SMYD3: variants seen among roughly 807,000 people sequenced by gnomAD.
The protein encoded by SMYD3 is histone-lysine N-methyltransferase SMYD3.
A neutral mutation model predicts 57.7 loss-of-function variants in SMYD3; 36 were observed. That is an observed-to-expected ratio of 0.62 (90% CI 0.48 to 0.82). SMYD3 has a LOEUF of 0.82. SMYD3 is among the 40% of genes least tolerant of loss of function. SMYD3 has a pLI of 0.00. For synonymous variants in SMYD3, 211 were observed against 195.0 expected (o/e 1.08, Z -0.68); for missense variants, 515 against 538.8 (o/e 0.96, Z 0.44).
intron 7 of SMYD3, among the ~76,000 whole-genome samples, chr1:245,921,467 G>A (rs1003614770): frequency 1.2e-4 from 18 of 151,764 alleles, no homozygotes; most frequent in Non-Finnish European, 1.8e-4. Flanking sequence ...ATGCACTCAC[G>A]TGTTCATCAC....
chr1:245,947,059 C>A (rs752594597), intron 5 of SMYD3, among the ~76,000 whole-genome samples: 9 of 152,144 alleles, frequency 5.9e-5, no homozygotes, highest in Non-Finnish European at 1.2e-4. Context: ...GCGGGCTGGC[C>A]TCCACGTACT....
At chr1:246,366,910 G>A (rs550384261) in intron 1 of SMYD3, among the ~76,000 whole-genome samples, 142 of 123,348 alleles carry the variant, frequency 1.2e-3, no homozygotes, top group African/African-American at 4.0e-3. Context: ...CAGCCTGGGC[G>A]ACAGAGCGAG....
At chr1:245,884,792 C>CCAATCCGCACTCTGTAAAAT (rs59971082) in intron 8 of SMYD3, among the ~76,000 whole-genome samples, 6 of 147,160 alleles carry the variant, frequency 4.1e-5, no homozygotes, top group Admixed American at 3.4e-4. Flanking sequence ...GGATTGTAAA[C>CCAATCCGCACTCTGTAAAAT]GGACCAATCA....
chr1:246,280,412 G>A (rs182490940), intron 5 of SMYD3, among the ~76,000 whole-genome samples: 1 of 152,292 alleles, frequency 6.6e-6, no homozygotes, highest in African/African-American at 2.4e-5. Flanking sequence ...CCATGCGACA[G>A]AAAAGAGAGC....
At chr1:246,154,517 C>G (rs958057197) in intron 5 of SMYD3, among the ~76,000 whole-genome samples, 1 of 152,162 alleles carries the variant, frequency 6.6e-6, no homozygotes, top group Non-Finnish European at 1.5e-5. Context: ...TTTTAATAGA[C>G]TTTCAGATGC....
intron 1 of SMYD3, among the ~76,000 whole-genome samples, chr1:246,403,024 C>T (rs946004): frequency 0.91 from 139,207 of 152,262 alleles, 63,761 homozygotes; most frequent in East Asian, 1. Flanking sequence ...TCTACCCGAA[C>T]TGTCCATTAA....
chr1:246,429,119 T>C (rs928759601), intron 1 of SMYD3, among the ~76,000 whole-genome samples: 1 of 149,996 alleles, frequency 6.7e-6, no homozygotes, highest in Non-Finnish European at 1.5e-5. Context: ...GAGTTATCTA[T>C]GCCAATGGGA....
intron 11 of SMYD3, among the ~76,000 whole-genome samples, chr1:245,755,596 A>G (rs1391454967): frequency 6.6e-6 from 1 of 152,142 alleles, no homozygotes; most frequent in Non-Finnish European, 1.5e-5. Context: ...TAGTACTACT[A>G]TGTCTTTTTG....
intron 5 of SMYD3, among the ~76,000 whole-genome samples, chr1:245,957,916 G>C (rs2057894609): frequency 6.6e-6 from 1 of 151,502 alleles, no homozygotes; most frequent in Non-Finnish European, 1.5e-5. Flanking sequence ...GTGTGGTTAG[G>C]TTTAAAAAAT....
chr1:246,466,504 A>C (rs1420134943), intron 1 of SMYD3, among the ~76,000 whole-genome samples: 2 of 152,216 alleles, frequency 1.3e-5, no homozygotes, highest in Admixed American at 1.3e-4. Flanking sequence ...AAAGAGGGAC[A>C]ACAGACACTG....
chr1:246,441,189 T>C (rs546159614), intron 1 of SMYD3, among the ~76,000 whole-genome samples: 2 of 152,330 alleles, frequency 1.3e-5, no homozygotes, highest in Admixed American at 6.5e-5. Flanking sequence ...AGATCTCTAA[T>C]GAGTAATAGT....
chr1:246,299,815 C>G (rs1212308544), intron 5 of SMYD3, among the ~76,000 whole-genome samples: 3 of 151,608 alleles, frequency 2.0e-5, no homozygotes, highest in African/African-American at 7.3e-5. Flanking sequence ...AGAGGAACAA[C>G]AGACACTGGG....
chr1:245,936,440 C>G (rs532626162), intron 5 of SMYD3, among the ~76,000 whole-genome samples: 2 of 151,982 alleles, frequency 1.3e-5, no homozygotes, highest in South Asian at 4.2e-4. Flanking sequence ...ACTTTGCTAC[C>G]TAAAACCTTT....
intron 5 of SMYD3, among the ~76,000 whole-genome samples, chr1:246,104,687 G>C (rs888761508): frequency 1.3e-5 from 2 of 152,044 alleles, no homozygotes; most frequent in African/African-American, 4.8e-5. Flanking sequence ...AAAGCAAAGG[G>C]AGTAAAATAA....
At chr1:246,284,061 G>A (rs2064505658) in intron 5 of SMYD3, among the ~76,000 whole-genome samples, 1 of 152,204 alleles carries the variant, frequency 6.6e-6, no homozygotes, top group Non-Finnish European at 1.5e-5. Context: ...TTGCTGGAGA[G>A]GTACATGCCA....
intron 5 of SMYD3, among the ~76,000 whole-genome samples, chr1:246,127,317 A>G (rs2061524089): frequency 6.6e-6 from 1 of 152,150 alleles, no homozygotes; most frequent in Non-Finnish European, 1.5e-5. Flanking sequence ...TCTCATTCAC[A>G]GAAAAGGTGA....
intron 5 of SMYD3, among the ~76,000 whole-genome samples, chr1:246,089,948 T>A (rs190443555): frequency 3.6e-4 from 55 of 151,886 alleles, no homozygotes. Flanking sequence ...AATGTGGGTA[T>A]GGAGAAATTT....
intron 1 of SMYD3, among the ~76,000 whole-genome samples, chr1:246,462,088 C>A (rs2067806185): frequency 6.6e-6 from 1 of 152,152 alleles, no homozygotes; most frequent in Admixed American, 6.5e-5. Flanking sequence ...TAGGAGGCAT[C>A]CAGGTGAAGG....
At chr1:245,814,454 A>G (rs941299690) in intron 10 of SMYD3, 1 of 855,480 alleles carries the variant, frequency 1.2e-6, no homozygotes, top group Non-Finnish European at 1.4e-6. Context: ...AAAATAAACA[A>G]TAAAAATAAA....
Sources: gnomAD v4.1 joint callset for allele counts (sites outside exome capture counted in the v4.1 genomes callset) on GRCh38, gnomAD v4.1.1 for gene constraint, MANE v1.5 for transcripts, NCBI Gene and HGNC (gene_info 2026-07-23, HGNC 2026-07-21) for gene names.